The following RPH3AL variants were observed in gnomAD, a reference collection of about 807,000 sequenced individuals.
RPH3AL encodes rabphilin 3A like (without C2 domains).
Under a neutral mutation model 43.1 loss-of-function variants are expected in RPH3AL, and 38 were observed. That is an observed-to-expected ratio of 0.88 (90% CI 0.68 to 1.15). RPH3AL has a LOEUF of 1.15. Among genes scored for constraint, RPH3AL ranks in the 50% most tolerant of loss-of-function variants. The pLI, the probability that RPH3AL is intolerant of heterozygous loss-of-function variation, is 0.00. For synonymous variants in RPH3AL, 189 were observed against 176.3 expected (o/e 1.07, Z -0.57); for missense variants, 462 against 423.2 (o/e 1.09, Z -0.81).
rs57856963 is a variant in RPH3AL, at chr17:323,854, G to A, written c.78-2439C>T. Among the ~76,000 whole-genome samples, 11,661 of 148,226 alleles carry A rather than the reference G, an allele frequency of 0.079. 653 individuals carry two copies. The highest frequency in any genetic ancestry group is 0.16 in the African/African-American group (6,365 of 40,082). ...CAGTCCAGACCCTCAGTCACCTTGC[G>A]AGGCAGGCCTGGACCCTCAGTCACC... On this transcript the variant is annotated intron_variant, in intron 3 of 9. Coordinates refer to ENST00000331302, the MANE Select transcript of RPH3AL (RefSeq NM_006987.4). The surrounding 1 kb of genome is among the most constrained non-coding windows in gnomAD (Gnocchi z 4.4).
At position 245,535 on chromosome 17, in the gene RPH3AL, G is replaced by C. The variant is rs1396553418; in HGVS notation, c.613+1576C>G. Among the ~76,000 whole-genome samples, 3 of 151,986 alleles carry C rather than the reference G, an allele frequency of 2.0e-5. No individual in the cohort carries two copies. Among genetic ancestry groups the C allele is most frequent in the Admixed American group, 1.3e-4 (2 of 15,246 alleles). Reference sequence around the variant, plus strand: ...GGGGCAGTGGCAGCTCTTGAAGTGGGGCATAGGCCACAGCTGCCCCCATAG... The same window carrying C: ...GGGGCAGTGGCAGCTCTTGAAGTGGCGCATAGGCCACAGCTGCCCCCATAG... On this transcript the variant is annotated intron_variant, in intron 7 of 9. Coordinates refer to ENST00000331302, the MANE Select transcript of RPH3AL (RefSeq NM_006987.4). The surrounding 1 kb of genome is among the most constrained non-coding windows in gnomAD (Gnocchi z 5.9).
intron 1 of RPH3AL, among the ~76,000 whole-genome samples, chr17:336,949 G>A (rs1041348413): frequency 9.9e-5 from 15 of 152,002 alleles, no homozygotes; most frequent in Admixed American, 2.0e-4. Flanking sequence ...GCTCCCATTC[G>A]GCTTGAGCCC....
intron 6 of RPH3AL, among the ~76,000 whole-genome samples, chr17:262,750 C>T (rs2151574178): frequency 1.3e-5 from 2 of 152,286 alleles, no homozygotes; most frequent in Non-Finnish European, 2.9e-5. Flanking sequence ...TTATCTAACG[C>T]CCACACACCA....
At chr17:335,454 AG>A (rs2044927925) in intron 1 of RPH3AL, among the ~76,000 whole-genome samples, 1 of 152,200 alleles carries the variant, frequency 6.6e-6, no homozygotes, top group South Asian at 2.1e-4. Context: ...CACGATGCTT[AG>A]AATGAAATGC....
At chr17:271,692 T>C (rs2042466881) in intron 6 of RPH3AL, among the ~76,000 whole-genome samples, 1 of 152,224 alleles carries the variant, frequency 6.6e-6, no homozygotes, top group African/African-American at 2.4e-5. Context: ...GTTTTCTAGA[T>C]ATACAATCAT....
At chr17:238,250 AAG>A (rs561191146) in intron 7 of RPH3AL, among the ~76,000 whole-genome samples, 1 of 151,854 alleles carries the variant, frequency 6.6e-6, no homozygotes, top group Non-Finnish European at 1.5e-5. Context: ...GAGGGACAGA[AAG>A]AGAGAGAGAA....
chr17:324,673 TTCTA>T (rs1337005360), intron 3 of RPH3AL, among the ~76,000 whole-genome samples: 9 of 140,682 alleles, frequency 6.4e-5, no homozygotes, highest in Admixed American at 2.1e-4. Context: ...TATTCTTTCT[TTCTA>T]TCTTTCTATC....
intron 5 of RPH3AL, among the ~76,000 whole-genome samples, chr17:310,053 A>G (rs1388883961): frequency 6.6e-6 from 1 of 151,986 alleles, no homozygotes; most frequent in Non-Finnish European, 1.5e-5. Flanking sequence ...CCAGAAAAAA[A>G]AAACGACTGC....
chr17:295,516 T>G (rs2043156947), intron 5 of RPH3AL, among the ~76,000 whole-genome samples: 1 of 66,546 alleles, frequency 1.5e-5, no homozygotes, highest in African/African-American at 6.6e-5. Flanking sequence ...GCTGCAGAAA[T>G]GGAAAGCAGA....
At chr17:348,012 A>AT (rs2045274261) in intron 1 of RPH3AL, among the ~76,000 whole-genome samples, 2 of 151,828 alleles carry the variant, frequency 1.3e-5, no homozygotes, top group Non-Finnish European at 2.9e-5. Flanking sequence ...CCAAAAAAAA[A>AT]AAAATTAAAT....
chr17:267,137 C>T (rs984356913), intron 6 of RPH3AL, among the ~76,000 whole-genome samples: 2 of 152,276 alleles, frequency 1.3e-5, no homozygotes, highest in Non-Finnish European at 2.9e-5. Context: ...GCGCCATCCT[C>T]TCCCTTTGTC....
chr17:314,011 C>G (rs780152087), intron 5 of RPH3AL, among the ~76,000 whole-genome samples: 5 of 152,212 alleles, frequency 3.3e-5, no homozygotes, highest in Admixed American at 3.3e-4. Context: ...CCATCTGCAA[C>G]AGAAACGCCC....
rs1304165265 is a variant in RPH3AL, at chr17:281,582, G to A, written c.438+186C>T. Among the ~76,000 whole-genome samples the A allele has an allele frequency of 3.3e-5, 5 of 151,524 alleles. No individual in the cohort carries two copies. The East Asian group carries it at 5.8e-4, about 18-fold the overall frequency. ...AGGCTGTCCCTCCGTGCTTTTCTCC[G>A]CCGAGTGGTCAGTTCTTCCTTGACT... On this transcript the variant is annotated intron_variant, in intron 6 of 9. Transcript: ENST00000331302.
intron 6 of RPH3AL, among the ~76,000 whole-genome samples, chr17:263,180 G>A (rs916091557): frequency 2.6e-5 from 4 of 152,184 alleles, no homozygotes; most frequent in Non-Finnish European, 5.9e-5. Flanking sequence ...TGGGCATGGG[G>A]GAGGAAGAGG....
In RPH3AL at chr17:346,456, G is replaced by A. The variant is rs970270012; in HGVS notation, c.-213+6256C>T. ...GGAGCAAGTCACGTCTTACATAAACGGCAGCAGGCAAAGAGAGAGCTTGTG... is the reference window on the plus strand; with the variant it reads ...GGAGCAAGTCACGTCTTACATAAACAGCAGCAGGCAAAGAGAGAGCTTGTG... On this transcript the variant is annotated intron_variant, in intron 1 of 9. Transcript: ENST00000331302. Among the ~76,000 whole-genome samples the A allele has an allele frequency of 3.0e-5, 4 of 134,702 alleles. 2 individuals are homozygous for A. The highest frequency in any genetic ancestry group is 6.8e-5 in the Non-Finnish European group (4 of 59,258). The allele number at this position is 134,702 out of a possible 152,430, so 88.4% of individuals were successfully genotyped here. A position where few individuals can be genotyped will look rare whatever the true frequency, so the allele number is the denominator to read the frequency against.
At chr17:304,876 C>G (rs908042498) in intron 5 of RPH3AL, among the ~76,000 whole-genome samples, 1 of 145,246 alleles carries the variant, frequency 6.9e-6, no homozygotes, top group East Asian at 2.0e-4. Context: ...TAGGGGCCAG[C>G]CCCCGGTCCA....
chr17:337,427 C>T (rs576623914), intron 1 of RPH3AL, among the ~76,000 whole-genome samples: 62 of 152,280 alleles, frequency 4.1e-4, no homozygotes, highest in Admixed American at 1.8e-3. Flanking sequence ...TCTTAAAAAC[C>T]GCCTCACGGC....
At chr17:224,750 G>A (rs1023852580) in intron 7 of RPH3AL, among the ~76,000 whole-genome samples, 1 of 152,148 alleles carries the variant, frequency 6.6e-6, no homozygotes, top group Non-Finnish European at 1.5e-5. Context: ...TTAAGAAAAT[G>A]TGGCACATAT....
Position 319,410 on chromosome 17 carries a change from A to T in RPH3AL, c.351+10T>A. 6.2e-7 allele frequency: 1 copy of T among 1,610,774 alleles called. No individual in the cohort carries two copies. On this transcript the variant is annotated intron_variant, in intron 5 of 9. Coordinates refer to ENST00000331302, the MANE Select transcript of RPH3AL (RefSeq NM_006987.4). ...GAAGCCAGAATGACAGGGCCAGAGC[A>T]GGGTCTTACCTTCCTGCAGTCTTTG...
Sources: gnomAD v4.1 joint callset for allele counts (sites outside exome capture counted in the v4.1 genomes callset) on GRCh38, gnomAD v4.1.1 for gene constraint, Gnocchi (gnomAD v3.1) non-coding constraint, MANE v1.5 for transcripts, NCBI Gene and HGNC (gene_info 2026-07-23, HGNC 2026-07-21) for gene names.